The following SF3A3 variants were observed in gnomAD, a reference collection of about 807,000 sequenced individuals.
SF3A3 encodes the protein splicing factor 3a subunit 3.
SF3A3 carries 9 observed loss-of-function variants against 85.8 expected under a neutral mutation model. The ratio of observed to expected loss-of-function variants is 0.10; its 90% CI spans 0.06 to 0.18. The LOEUF (loss-of-function observed/expected upper bound fraction) is 0.18. SF3A3 is among the 10% of genes least tolerant of loss of function. The pLI is 1.00. For missense variants in SF3A3, 306 were observed against 593.3 expected, an observed-to-expected ratio of 0.52 and a Z score of 5.03; for synonymous variants, 195 against 204.4, an observed-to-expected ratio of 0.95 and a Z score of 0.39.
At chr1:37,971,449 C>T (rs1485167324) in intron 12 of SF3A3, among the ~76,000 whole-genome samples, 1 of 152,164 alleles carries the variant, frequency 6.6e-6, no homozygotes, top group East Asian at 1.9e-4. Context: ...TGGTACCATT[C>T]CTTCTGAAAC....
intron 8 of SF3A3, among the ~76,000 whole-genome samples, chr1:37,980,007 C>A: frequency 6.6e-6 from 1 of 152,182 alleles, no homozygotes; most frequent in East Asian, 1.9e-4. Context: ...AGATTCCTAA[C>A]ATATGATCTG....
At chr1:37,978,956 T>C (rs1190564017) in intron 10 of SF3A3, 32 bp downstream of exon 10, 4 of 1,593,234 alleles carry the variant, frequency 2.5e-6, no homozygotes, top group Non-Finnish European at 3.4e-6. Context: ...ACACAGTAAA[T>C]CGATAGTTTT....
intron 8 of SF3A3, 96 bp from the exon 9 acceptor site, chr1:37,979,629 G>A: frequency 3.6e-6 from 3 of 822,172 alleles, no homozygotes; most frequent in Non-Finnish European, 4.0e-6. Context: ...GCCAAGATAG[G>A]TGAATTGCTT....
chr1:37,966,588 A>G (rs1240910168), intron 15 of SF3A3, among the ~76,000 whole-genome samples: 1 of 152,168 alleles, frequency 6.6e-6, no homozygotes, highest in Non-Finnish European at 1.5e-5. Context: ...CTCAGCACAG[A>G]GCTCTTCTCA....
At position 37,989,594 on chromosome 1, in the gene SF3A3, A is replaced by C. The variant is rs747743010; in HGVS notation, c.98T>G (p.Leu33Arg). 2.5e-6 allele frequency: 4 copies of C among 1,613,882 alleles called. No homozygotes were observed. Among genetic ancestry groups the C allele is most frequent in the Non-Finnish European group, 3.4e-6 (4 of 1,179,942 alleles). ...AKEMLTKKST[L>R]RDQINSDHRT... Reference sequence around the variant, plus strand: ...GTGATCAGAATTGATCTGGTCCCGGAGCTGAAAAAACAAACGGTGACACAA... The same window carrying C: ...GTGATCAGAATTGATCTGGTCCCGGCGCTGAAAAAACAAACGGTGACACAA... The change falls in exon 2 of 17, where the codon CTC becomes CGC. Residue 33 changes from leucine (L) to arginine (R), a missense_variant and splice_region_variant. By Grantham distance (102) the Leu-to-Arg change is moderately radical. Around this residue, in one of 4 missense-constraint regions of SF3A3, gnomAD observed 152 missense variants for 192.0 expected, o/e 0.79. Transcript: ENST00000373019.
At chr1:37,976,741 C>A in intron 12 of SF3A3, 143 bp downstream of exon 12, 1 of 642,440 alleles carries the variant, frequency 1.6e-6, no homozygotes, top group South Asian at 1.9e-5. Flanking sequence ...AGCCTTGTAC[C>A]CTGACCTCTA....
At chr1:37,961,106 C>T (rs1219687784) in intron 15 of SF3A3, among the ~76,000 whole-genome samples, 1 of 152,118 alleles carries the variant, frequency 6.6e-6, no homozygotes, top group African/African-American at 2.4e-5. Context: ...GCGTTTCCAC[C>T]TTTCCCATCA....
intron 2 of SF3A3, among the ~76,000 whole-genome samples, chr1:37,988,635 C>G (rs1646471473): frequency 1.3e-5 from 2 of 152,126 alleles, no homozygotes; most frequent in South Asian, 4.1e-4. Context: ...TCCTGCAAAT[C>G]AGAAGGTCCA....
chr1:37,989,753 G>A (rs1646482391), intron 1 of SF3A3, 117 bp downstream of exon 1: 2 of 1,215,082 alleles, frequency 1.6e-6, no homozygotes, highest in Non-Finnish European at 2.4e-6. Flanking sequence ...ACCGGAGCTC[G>A]GAGAGGGAGC....
chr1:37,963,196 G>A (rs906683145), intron 15 of SF3A3, among the ~76,000 whole-genome samples: 2 of 151,992 alleles, frequency 1.3e-5, no homozygotes, highest in African/African-American at 4.8e-5. Flanking sequence ...ATCTAAACAA[G>A]TTAATCCAGG....
chr1:37,980,841 CTTTTTTTTTTTTT>C (rs760972269), intron 7 of SF3A3, 117 bp from the exon 8 acceptor site: 13 of 95,412 alleles, frequency 1.4e-4, no homozygotes, highest in East Asian at 9.3e-4. Flanking sequence ...TTTTAATACT[CTTTTTTTTTTTTT>C]TTTTTTTTTT....
chr1:37,970,671 T>A (rs1021513621), intron 12 of SF3A3, among the ~76,000 whole-genome samples: 2 of 152,200 alleles, frequency 1.3e-5, no homozygotes, highest in African/African-American at 4.8e-5. Context: ...CAGACGACAG[T>A]GCAGTCAAAC....
At chr1:37,988,969 C>T (rs1433374217) in intron 2 of SF3A3, among the ~76,000 whole-genome samples, 1 of 151,624 alleles carries the variant, frequency 6.6e-6, no homozygotes, top group East Asian at 1.9e-4. Context: ...ATTGTTTGCA[C>T]ATCCAAGGGA....
intron 15 of SF3A3, among the ~76,000 whole-genome samples, chr1:37,961,928 A>G (rs1467834223): frequency 6.6e-6 from 1 of 150,922 alleles, no homozygotes; most frequent in Non-Finnish European, 1.5e-5. Flanking sequence ...TCTACTACAA[A>G]TACAAAATTA....
At position 37,981,437 on chromosome 1, in the gene SF3A3, A is replaced by C. The variant is rs146748879; in HGVS notation, c.551+292T>G. Among the ~76,000 whole-genome samples, 208 of 152,264 alleles carry C rather than the reference A, an allele frequency of 1.4e-3. 1 individual carries two copies. Among genetic ancestry groups the C allele is most frequent in the Non-Finnish European group, 2.2e-3 (149 of 67,990 alleles). ...AGAAAGTCTAATTTTTTTTCCCATT[A>C]AACTCCAAAAACACAGAAATCCCAG... On this transcript the variant is annotated intron_variant, in intron 7 of 16. Coordinates refer to ENST00000373019, the MANE Select transcript of SF3A3 (RefSeq NM_006802.4).
At chr1:37,972,849 T>A (rs1279898430) in intron 12 of SF3A3, among the ~76,000 whole-genome samples, 3 of 152,196 alleles carry the variant, frequency 2.0e-5, no homozygotes, top group Non-Finnish European at 4.4e-5. Context: ...GATTCCTTCC[T>A]TACACCCTAT....
At chr1:37,961,142 A>G (rs1488713616) in intron 15 of SF3A3, among the ~76,000 whole-genome samples, 1 of 152,218 alleles carries the variant, frequency 6.6e-6, no homozygotes, top group Non-Finnish European at 1.5e-5. Context: ...ACTTGACAAG[A>G]TTAGAAGAAA....
At chr1:37,979,239 G>T in intron 9 of SF3A3, 184 bp from the exon 10 acceptor site, 2 of 624,514 alleles carry the variant, frequency 3.2e-6, no homozygotes, top group South Asian at 2.0e-5. Flanking sequence ...TAACCATACT[G>T]ATAGTGTTCC....
intron 12 of SF3A3, among the ~76,000 whole-genome samples, chr1:37,970,304 CAAA>C (rs35452372): frequency 2.4e-4 from 25 of 103,466 alleles, no homozygotes; most frequent in African/African-American, 6.4e-4. Flanking sequence ...GACTCCTTCT[CAAA>C]AAAAAAAAAA....
Sources: gnomAD v4.1 joint callset for allele counts (sites outside exome capture counted in the v4.1 genomes callset) on GRCh38, gnomAD v4.1.1 for gene constraint, gnomAD v4.1.1 regional missense constraint, MANE v1.5 for transcripts, NCBI Gene and HGNC (gene_info 2026-07-23, HGNC 2026-07-21) for gene names.